GRM8: variants seen among roughly 807,000 people sequenced by gnomAD.
GRM8 encodes the protein metabotropic glutamate receptor 8.
A neutral mutation model predicts 87.2 loss-of-function variants in GRM8; 47 were observed. The ratio of observed to expected loss-of-function variants is 0.54; its 90% CI spans 0.43 to 0.69. The LOEUF (loss-of-function observed/expected upper bound fraction) is 0.69, where lower values mean the gene tolerates loss of function less well. Ranked by LOEUF, GRM8 falls within the 30% of genes least tolerant of loss-of-function variation. The probability of loss-of-function intolerance (pLI) is 0.00; values close to 1 mark genes in which losing one functional copy is unlikely to be tolerated. For synonymous variants in GRM8, 396 were observed against 404.5 expected, an observed-to-expected ratio of 0.98 and a Z score of 0.25; for missense variants, 1,019 against 1,139.2, an observed-to-expected ratio of 0.89 and a Z score of 1.52.
chr7:126,721,385 T>G (rs1014861432), intron 7 of GRM8, among the ~76,000 whole-genome samples: 1 of 152,176 alleles, frequency 6.6e-6, no homozygotes, highest in African/African-American at 2.4e-5. Context: ...TATAAAGAAA[T>G]GAAACATTTC....
chr7:126,706,084 T>G (rs931797489), intron 7 of GRM8, among the ~76,000 whole-genome samples: 1 of 152,020 alleles, frequency 6.6e-6, no homozygotes, highest in Non-Finnish European at 1.5e-5. Context: ...CATGGAAAAT[T>G]TATTTAGTAG....
chr7:126,841,377 A>C (rs1411533946), intron 6 of GRM8, among the ~76,000 whole-genome samples: 1 of 152,124 alleles, frequency 6.6e-6, no homozygotes, highest in South Asian at 2.1e-4. Context: ...GCTCAGCAGG[A>C]CAATTGACCA....
Position 126,779,705 on chromosome 7 carries a change from T to C in GRM8, c.1157-9640A>G, listed in dbSNP as rs565051554. On this transcript the variant is annotated intron_variant, in intron 6 of 10. Transcript: ENST00000339582. Reference sequence around the variant, plus strand: ...TCTTCAATATTTTATGTTTTGTAGCTTTATAAAATGATTTATTTTCATTAA... The same window carrying C: ...TCTTCAATATTTTATGTTTTGTAGCCTTATAAAATGATTTATTTTCATTAA... Among the ~76,000 whole-genome samples, 41 of 152,264 alleles carry C rather than the reference T, an allele frequency of 2.7e-4. 1 individual carries two copies. The South Asian group carries it at 8.5e-3, about 32-fold the overall frequency.
chr7:127,005,119 CTTT>C (rs10531563), intron 3 of GRM8, among the ~76,000 whole-genome samples: 25,194 of 136,294 alleles, frequency 0.18, 2,434 homozygotes, highest in African/African-American at 0.29. Context: ...CTGCTAGGAA[CTTT>C]TTTTTTTTTT....
chr7:127,089,110 G>T (rs1039198543), intron 3 of GRM8, among the ~76,000 whole-genome samples: 2 of 152,204 alleles, frequency 1.3e-5, no homozygotes, highest in Admixed American at 1.3e-4. Context: ...TTCGAGATGA[G>T]ATCATCTTAG....
chr7:127,238,352 G>T (rs1282105944), intron 2 of GRM8, among the ~76,000 whole-genome samples: 1 of 151,356 alleles, frequency 6.6e-6, no homozygotes, highest in East Asian at 1.9e-4. Context: ...GGGTACACTA[G>T]TGCATCTAAA....
chr7:126,556,182 C>T (rs1414907557), intron 8 of GRM8, among the ~76,000 whole-genome samples: 1 of 151,970 alleles, frequency 6.6e-6, no homozygotes, highest in Non-Finnish European at 1.5e-5. Flanking sequence ...AAAGCAGCTG[C>T]ATGTTTGAAT....
intron 6 of GRM8, among the ~76,000 whole-genome samples, chr7:126,827,314 C>T (rs1040563418): frequency 6.6e-6 from 1 of 152,198 alleles, no homozygotes; most frequent in East Asian, 1.9e-4. Flanking sequence ...GGCAGTATGG[C>T]CATTTTCATG....
intron 6 of GRM8, among the ~76,000 whole-genome samples, chr7:126,828,238 G>A (rs1379814676): frequency 2.6e-5 from 4 of 152,160 alleles, no homozygotes; most frequent in Admixed American, 2.6e-4. Context: ...AAATGAGTTA[G>A]GGAGGATTCC....
chr7:126,878,278 C>T (rs1241910918), intron 6 of GRM8, among the ~76,000 whole-genome samples: 1 of 152,156 alleles, frequency 6.6e-6, no homozygotes, highest in African/African-American at 2.4e-5. Context: ...ATGATTTCCC[C>T]AACATCTCTG....
chr7:126,858,673 T>C (rs987383457), intron 6 of GRM8, among the ~76,000 whole-genome samples: 1 of 152,290 alleles, frequency 6.6e-6, no homozygotes, highest in African/African-American at 2.4e-5. Context: ...CTGTTCTGTC[T>C]CCCTACTCCC....
intron 6 of GRM8, among the ~76,000 whole-genome samples, chr7:126,855,472 CTTTT>C (rs11428822): frequency 2.2e-5 from 3 of 136,968 alleles, no homozygotes; most frequent in Admixed American, 7.3e-5. Context: ...TATGATTTAT[CTTTT>C]TTTTTTTTTT....
intron 8 of GRM8, among the ~76,000 whole-genome samples, chr7:126,540,008 A>G (rs1253727942): frequency 6.6e-6 from 1 of 152,126 alleles, no homozygotes; most frequent in African/African-American, 2.4e-5. Flanking sequence ...TTGTTAGAAG[A>G]CAACCCACAG....
chr7:126,515,990 A>G (rs1274267957), intron 9 of GRM8, among the ~76,000 whole-genome samples: 1 of 152,058 alleles, frequency 6.6e-6, no homozygotes, highest in Admixed American at 6.6e-5. Context: ...ACACTGGTCT[A>G]CTTTATATAT....
At chr7:127,092,823 T>G (rs780874922) in intron 3 of GRM8, among the ~76,000 whole-genome samples, 7 of 152,228 alleles carry the variant, frequency 4.6e-5, no homozygotes, top group Non-Finnish European at 7.3e-5. Flanking sequence ...GGCAGTATGT[T>G]CAGGTCCTCA....
intron 7 of GRM8, among the ~76,000 whole-genome samples, chr7:126,689,909 C>T (rs1008905): frequency 0.062 from 9,354 of 152,052 alleles, 582 homozygotes; most frequent in East Asian, 0.32. Flanking sequence ...TACGTTCTGG[C>T]GGGGAGGGTC....
At chr7:126,797,332 G>A (rs1822066362) in intron 6 of GRM8, among the ~76,000 whole-genome samples, 1 of 152,052 alleles carries the variant, frequency 6.6e-6, no homozygotes, top group Non-Finnish European at 1.5e-5. Context: ...AATGGCCTAA[G>A]AACATCATTT....
chr7:126,497,031 T>A (rs1808864010), intron 9 of GRM8, among the ~76,000 whole-genome samples: 1 of 150,088 alleles, frequency 6.7e-6, no homozygotes, highest in Non-Finnish European at 1.5e-5. Context: ...TTGGGGGCAA[T>A]AATGTTATCA....
At chr7:126,938,139 TA>T (rs1806530194) in intron 3 of GRM8, among the ~76,000 whole-genome samples, 1 of 152,176 alleles carries the variant, frequency 6.6e-6, no homozygotes, top group African/African-American at 2.4e-5. Context: ...GCCAATGGTA[TA>T]CATGTTTATA....
Sources: gnomAD v4.1 joint callset for allele counts (sites outside exome capture counted in the v4.1 genomes callset) on GRCh38, gnomAD v4.1.1 for gene constraint, MANE v1.5 for transcripts, NCBI Gene and HGNC (gene_info 2026-07-23, HGNC 2026-07-21) for gene names.